Variants in EGLN3 observed in about 807,000 individuals in gnomAD.
EGLN3 encodes prolyl hydroxylase EGLN3.
EGLN3 carries 15 observed loss-of-function variants against 26.0 expected under a neutral mutation model. The observed-to-expected ratio is 0.58, with a 90% CI of 0.39 to 0.89. The LOEUF is 0.89. Among genes scored for constraint, EGLN3 ranks in the 40% least tolerant of loss-of-function variants. EGLN3 has a pLI of 0.00. For synonymous variants in EGLN3, 147 were observed against 127.2 expected, an observed-to-expected ratio of 1.16 and a Z score of -1.05; for missense variants, 238 against 311.6, an observed-to-expected ratio of 0.76 and a Z score of 1.78.
chr14:33,927,411 G>A (rs1680706), intron 3 of EGLN3, among the ~76,000 whole-genome samples: 51,376 of 151,810 alleles, frequency 0.34, 9,470 homozygotes, highest in Non-Finnish European at 0.43. Flanking sequence ...TGCCCACCTC[G>A]GCCTCCCAAA....
rs1445505863 is a variant in EGLN3 at position 33,927,043 on chromosome 14, A to G, written c.615-10T>C. On this transcript the variant is annotated splice_polypyrimidine_tract_variant and intron_variant, in intron 3 of 4. Coordinates refer to ENST00000250457, the MANE Select transcript of EGLN3 (RefSeq NM_022073.4). ...GACAGTCATAGCATATCTGTGAAAGATAAGCAGATATAAGGAAAGAGATTT... is the reference window on the plus strand; with the variant it reads ...GACAGTCATAGCATATCTGTGAAAGGTAAGCAGATATAAGGAAAGAGATTT... The G allele has an allele frequency of 1.3e-6, 2 of 1,577,606 alleles. No individual in the cohort carries two copies. The highest frequency in any genetic ancestry group is 3.6e-5 in the Admixed American group (2 of 55,678).
At position 33,925,712 on chromosome 14, in the gene EGLN3, A is replaced by G; in HGVS notation, c.*179T>C. ...CATCTGGCAAAGAGAGTATCTGAAG[A>G]TCAACACAGTCTTGGCAAGAAAACA... On this transcript the variant is annotated 3_prime_UTR_variant, in exon 5 of 5. Transcript: ENST00000250457. The G allele has an allele frequency of 1.5e-6, 1 of 674,292 alleles. No individual in the cohort carries two copies. The highest frequency in any genetic ancestry group is 2.5e-6 in the Non-Finnish European group (1 of 399,078). 41.8% of individuals were successfully genotyped at this position (674,292 alleles called of 1,614,324 possible).
intron 1 of EGLN3, 55 bp from the exon 2 acceptor site, chr14:33,931,270 C>G (rs956587572): frequency 1.2e-6 from 2 of 1,611,774 alleles, no homozygotes; most frequent in African/African-American, 2.7e-5. Context: ...ACAATCTTCT[C>G]CTCCCACTGG....
At chr14:33,939,874 A>T (rs2064470738) in intron 1 of EGLN3, among the ~76,000 whole-genome samples, 1 of 152,194 alleles carries the variant, frequency 6.6e-6, no homozygotes, top group Non-Finnish European at 1.5e-5. Context: ...AACTCAGTTT[A>T]TCTAATGTCT....
chr14:33,931,959 C>T (rs1368752226), intron 1 of EGLN3, among the ~76,000 whole-genome samples: 1 of 152,112 alleles, frequency 6.6e-6, no homozygotes, highest in Non-Finnish European at 1.5e-5. Flanking sequence ...AAAACCGTAC[C>T]AAAAATCCTA....
At chr14:33,944,689 C>T (rs1002885030) in intron 1 of EGLN3, among the ~76,000 whole-genome samples, 4 of 152,118 alleles carry the variant, frequency 2.6e-5, no homozygotes, top group Non-Finnish European at 4.4e-5. Context: ...CACTTTTTAA[C>T]CAGAAAAAGA....
At chr14:33,931,731 C>G (rs990020226) in intron 1 of EGLN3, among the ~76,000 whole-genome samples, 1 of 152,148 alleles carries the variant, frequency 6.6e-6, no homozygotes, top group Non-Finnish European at 1.5e-5. Context: ...CAGGCTTACT[C>G]AATAAAATGC....
In EGLN3 at chr14:33,924,526, A is replaced by G. The variant is rs2064347068; in HGVS notation, c.*1365T>C. The G allele has an allele frequency of 1.4e-5, 2 of 143,350 alleles. No individual in the cohort carries two copies. Among genetic ancestry groups the G allele is most frequent in the Non-Finnish European group, 3.1e-5 (2 of 64,950 alleles). 8.9% of individuals were successfully genotyped at this position (143,350 alleles called of 1,614,324 possible). A position where few individuals can be genotyped will look rare whatever the true frequency, so the allele number is the denominator to read the frequency against. ...CCAGAAGAGGAAAAAGTAAACTTCT[A>G]TCTTGGAAGACTATATATATATATA... On this transcript the variant is annotated 3_prime_UTR_variant, in exon 5 of 5. Coordinates refer to ENST00000250457, the MANE Select transcript of EGLN3 (RefSeq NM_022073.4).
chr14:33,926,049 T>G, intron 4 of EGLN3, 127 bp from the exon 5 acceptor site: 1 of 836,536 alleles, frequency 1.2e-6, no homozygotes, highest in Non-Finnish European at 1.9e-6. Context: ...CTAATAGAGC[T>G]CTGCCAAAGG....
At position 33,925,746 on chromosome 14, in the gene EGLN3, CACACACAAGACAGGGATGTGAAGG is replaced by C; in HGVS notation, c.*121_*144del. 1.1e-6 allele frequency: 1 copy of C among 871,586 alleles called. No homozygotes were observed. Among genetic ancestry groups the C allele is most frequent in the Non-Finnish European group, 1.8e-6 (1 of 549,818 alleles). 54.0% of individuals were successfully genotyped at this position (871,586 alleles called of 1,614,324 possible). ...GTCTTGGCAAGAAAACATGAAGTAC[CACACACAAGACAGGGATGTGAAGG>C]ATGCAAGAAGTAGCAGGGAGATTGT... On this transcript the variant is annotated 3_prime_UTR_variant, in exon 5 of 5. Coordinates refer to ENST00000250457, the MANE Select transcript of EGLN3 (RefSeq NM_022073.4).
At chr14:33,944,273 C>T (rs2064502619) in intron 1 of EGLN3, among the ~76,000 whole-genome samples, 2 of 152,138 alleles carry the variant, frequency 1.3e-5, no homozygotes, top group African/African-American at 4.8e-5. Flanking sequence ...AGGCGCAAAC[C>T]ACCATGCCCG....
chr14:33,943,737 G>A (rs975868751), intron 1 of EGLN3, among the ~76,000 whole-genome samples: 17 of 152,202 alleles, frequency 1.1e-4, no homozygotes, highest in Admixed American at 6.6e-4. Flanking sequence ...TAGAGGTTGG[G>A]TAGAACGCCA....
chr14:33,932,998 T>C (rs562357112), intron 1 of EGLN3, among the ~76,000 whole-genome samples: 2 of 152,282 alleles, frequency 1.3e-5, no homozygotes, highest in East Asian at 3.9e-4. Flanking sequence ...CTGGATTCCC[T>C]ATTATCTCAG....
chr14:33,950,785 G>A lies in EGLN3; in HGVS notation c.-33C>T, dbSNP rs767045645. ...GCAGAATCGAGGTCCGGGATCCCCA[G>A]CGTGCAACCAGAGAGGGAACGATCT... On this transcript the variant is annotated 5_prime_UTR_variant, in exon 1 of 5. Transcript: ENST00000250457. 1.8e-5 allele frequency: 25 copies of A among 1,396,216 alleles called. No homozygotes were observed. Among genetic ancestry groups the A allele is most frequent in the Admixed American group, 1.0e-4 (5 of 48,980 alleles). The allele number at this position is 1,396,216 out of a possible 1,614,324, so 86.5% of individuals were successfully genotyped here. A position where few individuals can be genotyped will look rare whatever the true frequency, so the allele number is the denominator to read the frequency against.
chr14:33,947,099 T>A (rs1266931781), intron 1 of EGLN3, among the ~76,000 whole-genome samples: 3 of 152,230 alleles, frequency 2.0e-5, no homozygotes, highest in African/African-American at 7.2e-5. Flanking sequence ...AGTGAGCTGT[T>A]TGAAGCAGAG....
Position 33,932,174 on chromosome 14 carries a change from A to AT in EGLN3, c.358-960dup, listed in dbSNP as rs1055106091. ...CCAGCAACACAAGATGAGGACAGGGATTTTTTTTCCTGTTCTACTCACTGA... is the reference window on the plus strand; with the variant it reads ...CCAGCAACACAAGATGAGGACAGGGATTTTTTTTTCCTGTTCTACTCACTGA... On this transcript the variant is annotated intron_variant, in intron 1 of 4. Coordinates refer to ENST00000250457, the MANE Select transcript of EGLN3 (RefSeq NM_022073.4). Among the ~76,000 whole-genome samples, 8 of 152,146 alleles carry AT rather than the reference A, an allele frequency of 5.3e-5. No homozygotes were observed. In the South Asian group the frequency reaches 1.0e-3, roughly 20 times the overall value.
intron 1 of EGLN3, chr14:33,948,940 T>C (rs2064536883): frequency 2.0e-5 from 3 of 152,172 alleles, no homozygotes; most frequent in Admixed American, 6.5e-5. Context: ...CAAGGTCATT[T>C]AATGCAAAAA....
At chr14:33,944,570 A>C (rs569751602) in intron 1 of EGLN3, among the ~76,000 whole-genome samples, 127 of 152,348 alleles carry the variant, frequency 8.3e-4, no homozygotes, top group Middle Eastern at 6.8e-3. Context: ...AACCCATATT[A>C]TTAACATCCT....
chr14:33,925,876 G>A lies in EGLN3; in HGVS notation c.*15C>T. 1.2e-6 allele frequency: 2 copies of A among 1,614,008 alleles called. No homozygotes were observed. Among genetic ancestry groups the A allele is most frequent in the Non-Finnish European group, 1.7e-6 (2 of 1,179,886 alleles). ...GTTACTAAAATGAACAAGGCCAGCAGATTTCAGAGCACGGTCAGTCTTCAG... is the reference window on the plus strand; with the variant it reads ...GTTACTAAAATGAACAAGGCCAGCAAATTTCAGAGCACGGTCAGTCTTCAG... On this transcript the variant is annotated 3_prime_UTR_variant, in exon 5 of 5. Transcript: ENST00000250457.
Sources: allele counts gnomAD v4.1 joint callset (sites outside exome capture counted in the v4.1 genomes callset), GRCh38; gene constraint gnomAD v4.1.1; transcripts MANE v1.5; gene names NCBI Gene and HGNC (gene_info 2026-07-23, HGNC 2026-07-21).